The following CTNNA3 variants were observed in gnomAD, a reference collection of about 807,000 sequenced individuals.
CTNNA3 encodes catenin alpha-3.
A neutral mutation model predicts 95.7 loss-of-function variants in CTNNA3; 76 were observed. That is an observed-to-expected ratio of 0.79 (90% confidence interval 0.66 to 0.96). The LOEUF is 0.96. Among genes scored for constraint, CTNNA3 ranks in the 40% least tolerant of loss-of-function variants. The probability of loss-of-function intolerance (pLI) is 0.00; values close to 1 mark genes in which losing one functional copy is unlikely to be tolerated. For synonymous variants in CTNNA3, 431 were observed against 374.4 expected, an observed-to-expected ratio of 1.15 and a Z score of -1.74; for missense variants, 1,191 against 1,089.8, an observed-to-expected ratio of 1.09 and a Z score of -1.31.
At chr10:66,529,569 A>G (rs141271026) in intron 10 of CTNNA3, among the ~76,000 whole-genome samples, 103 of 149,946 alleles carry the variant, frequency 6.9e-4, no homozygotes, top group African/African-American at 2.5e-3. Context: ...CTTCCTTTTG[A>G]TGTGACAGTG....
intron 7 of CTNNA3, among the ~76,000 whole-genome samples, chr10:66,901,122 CAGAG>C (rs1845726507): frequency 6.6e-6 from 1 of 152,100 alleles, no homozygotes; most frequent in Admixed American, 6.5e-5. Flanking sequence ...TAAGGGCAGC[CAGAG>C]AGAAAGGTCG....
chr10:67,145,440 T>G (rs1013982821), intron 7 of CTNNA3, among the ~76,000 whole-genome samples: 2 of 151,264 alleles, frequency 1.3e-5, no homozygotes, highest in African/African-American at 4.8e-5. Flanking sequence ...TTTTTAGTTT[T>G]TTTTTTTTTT....
At chr10:66,871,661 C>T (rs146439849) in intron 7 of CTNNA3, among the ~76,000 whole-genome samples, 1,548 of 150,924 alleles carry the variant, frequency 0.01, 25 homozygotes, top group South Asian at 0.016. Context: ...GAGATAAAAG[C>T]GACAAACTTA....
intron 7 of CTNNA3, among the ~76,000 whole-genome samples, chr10:66,826,918 C>G (rs2132307760): frequency 6.6e-6 from 1 of 152,344 alleles, no homozygotes; most frequent in African/African-American, 2.4e-5. Flanking sequence ...CTCCCAGCCT[C>G]CAGCCTGGCT....
intron 7 of CTNNA3, among the ~76,000 whole-genome samples, chr10:67,038,961 C>A (rs1046147625): frequency 2.6e-5 from 4 of 152,006 alleles, no homozygotes; most frequent in African/African-American, 4.8e-5. Flanking sequence ...TGAGAAGATT[C>A]ATGATAGATA....
chr10:67,119,270 G>A (rs1251367499), intron 7 of CTNNA3, among the ~76,000 whole-genome samples: 1 of 151,868 alleles, frequency 6.6e-6, no homozygotes, highest in African/African-American at 2.4e-5. Flanking sequence ...TAAACATCTA[G>A]AGTAATATAC....
intron 9 of CTNNA3, among the ~76,000 whole-genome samples, chr10:66,690,198 T>C (rs1047894686): frequency 6.6e-6 from 1 of 152,166 alleles, no homozygotes; most frequent in African/African-American, 2.4e-5. Flanking sequence ...GGTTCATCAA[T>C]GGTGGCTCTA....
intron 3 of CTNNA3, among the ~76,000 whole-genome samples, chr10:67,580,321 C>T (rs1199002091): frequency 2.0e-5 from 3 of 152,070 alleles, no homozygotes; most frequent in Non-Finnish European, 4.4e-5. Context: ...GAATCCTTTC[C>T]TCCTTTCTTG....
intron 7 of CTNNA3, among the ~76,000 whole-genome samples, chr10:66,920,552 T>C (rs1369164063): frequency 6.6e-6 from 1 of 152,224 alleles, no homozygotes; most frequent in African/African-American, 2.4e-5. Flanking sequence ...GGGGCTAATT[T>C]TGCAAATCAT....
intron 4 of CTNNA3, among the ~76,000 whole-genome samples, chr10:67,528,858 TA>T (rs1201081960): frequency 6.6e-6 from 1 of 152,142 alleles, no homozygotes; most frequent in African/African-American, 2.4e-5. Context: ...GATTCCTTCT[TA>T]AAAAATGAAA....
At chr10:66,221,174 T>C (rs141078848) in intron 13 of CTNNA3, among the ~76,000 whole-genome samples, 3 of 152,206 alleles carry the variant, frequency 2.0e-5, no homozygotes, top group Non-Finnish European at 4.4e-5. Flanking sequence ...AAGGATTGCA[T>C]AGAACTGATG....
intron 7 of CTNNA3, among the ~76,000 whole-genome samples, chr10:66,906,077 C>A (rs574672097): frequency 6.6e-6 from 1 of 152,238 alleles, no homozygotes; most frequent in East Asian, 1.9e-4. Context: ...ATTTTACAAT[C>A]TCTGTTGAAC....
intron 10 of CTNNA3, among the ~76,000 whole-genome samples, chr10:66,551,361 T>C (rs1842209627): frequency 6.6e-6 from 1 of 152,120 alleles, no homozygotes; most frequent in Admixed American, 6.5e-5. Flanking sequence ...CTGTAAGTAA[T>C]ATACGTATCA....
intron 13 of CTNNA3, among the ~76,000 whole-genome samples, chr10:66,114,561 G>A (rs1262417467): frequency 6.6e-6 from 1 of 151,700 alleles, no homozygotes; most frequent in African/African-American, 2.4e-5. Flanking sequence ...GTATGTGTGT[G>A]AGAAAGAGGA....
chr10:66,143,444 C>T lies in CTNNA3; in HGVS notation c.1885-40195G>A, dbSNP rs193023857. ...TGGCACTGATAAAGTAAAACTGTCA[C>T]TTTCCAGTTTGGTCGTCAAATATAT... On this transcript the variant is annotated intron_variant, in intron 13 of 17. Transcript: ENST00000433211. 2.3e-3 allele frequency among the ~76,000 whole-genome samples: 356 copies of T among 152,238 alleles called. 1 individual carries two copies. The highest frequency in any genetic ancestry group is 8.2e-3 in the African/African-American group (339 of 41,566).
chr10:67,029,076 C>T (rs1333995279), intron 7 of CTNNA3, among the ~76,000 whole-genome samples: 1 of 152,108 alleles, frequency 6.6e-6, no homozygotes, highest in Admixed American at 6.6e-5. Context: ...GAGCACACTA[C>T]GGTGAGTTCA....
In CTNNA3 at chr10:66,200,218, G is replaced by A. The variant is rs2087307322; in HGVS notation, c.1884+80252C>T. 2.0e-5 allele frequency among the ~76,000 whole-genome samples: 3 copies of A among 149,996 alleles called. No homozygotes were observed. The South Asian group carries it at 6.4e-4, about 32-fold the overall frequency. On this transcript the variant is annotated intron_variant, in intron 13 of 17. Transcript: ENST00000433211. ...TGGTTTCATGGAGAAGAGGAGAGAA[G>A]GGAAGGGAAGGTAAGGGAAGGGAGG... is the stretch of plus-strand genomic sequence containing the variant.
rs574197019 is a variant in CTNNA3, at chr10:67,340,028, G to A, written c.580-120158C>T. ...CTTCTTTATCCCAAAATATTTAAAT[G>A]CCTAATAAAATAATATTGTTCATTA... On this transcript the variant is annotated intron_variant, in intron 5 of 17. Transcript: ENST00000433211. 2.0e-5 allele frequency among the ~76,000 whole-genome samples: 3 copies of A among 152,098 alleles called. No individual in the cohort carries two copies. The East Asian group carries it at 5.8e-4, about 29-fold the overall frequency.
chr10:65,966,511 A>G, intron 17 of CTNNA3, 101 bp downstream of exon 17: 1 of 1,038,788 alleles, frequency 9.6e-7, no homozygotes, highest in Non-Finnish European at 1.3e-6. Context: ...GTTTTTCTAA[A>G]CTAATTTTAC....
Sources: gnomAD v4.1 joint callset for allele counts (sites outside exome capture counted in the v4.1 genomes callset) on GRCh38, gnomAD v4.1.1 for gene constraint, MANE v1.5 for transcripts, NCBI Gene and HGNC (gene_info 2026-07-23, HGNC 2026-07-21) for gene names.